NALCN: variants seen among roughly 807,000 people sequenced by gnomAD.
NALCN encodes sodium leak channel NALCN.
A neutral mutation model predicts 225.3 loss-of-function variants in NALCN; 111 were observed. The ratio of observed to expected loss-of-function variants is 0.49; its 90% CI spans 0.42 to 0.58. NALCN has a LOEUF of 0.58. Ranked by LOEUF, NALCN falls within the 20% of genes least tolerant of loss-of-function variation. The pLI is 0.00. For synonymous variants in NALCN, 764 were observed against 769.0 expected (o/e 0.99, Z 0.11); for missense variants, 1,378 against 2,202.4 (o/e 0.63, Z 7.49).
intron 13 of NALCN, among the ~76,000 whole-genome samples, chr13:101,196,128 T>A (rs2039880107): frequency 6.6e-6 from 1 of 152,194 alleles, no homozygotes; most frequent in South Asian, 2.1e-4. Context: ...TTGCTCAGAA[T>A]CTGGGCCAAT....
At chr13:101,282,029 A>G (rs924463897) in intron 10 of NALCN, among the ~76,000 whole-genome samples, 6 of 152,230 alleles carry the variant, frequency 3.9e-5, no homozygotes, top group African/African-American at 1.2e-4. Context: ...AGGCATAAAG[A>G]AAAGATAACC....
chr13:101,278,571 G>T (rs997386063), intron 10 of NALCN, among the ~76,000 whole-genome samples: 11 of 146,258 alleles, frequency 7.5e-5, no homozygotes, highest in African/African-American at 2.5e-4. Context: ...TCTTTTCAAT[G>T]ATGCTATTCC....
chr13:101,158,774 G>A (rs1280018948), intron 15 of NALCN, among the ~76,000 whole-genome samples: 1 of 152,142 alleles, frequency 6.6e-6, no homozygotes, highest in Non-Finnish European at 1.5e-5. Flanking sequence ...ACTCCTACAA[G>A]TGATTCTCTG....
At chr13:101,221,143 G>A (rs1018882077) in intron 13 of NALCN, among the ~76,000 whole-genome samples, 6 of 142,722 alleles carry the variant, frequency 4.2e-5, no homozygotes, top group African/African-American at 1.5e-4. Context: ...ATACTTGAAG[G>A]TCCTTTTGAA....
At chr13:101,379,770 A>AGGT (rs2139430399) in intron 3 of NALCN, among the ~76,000 whole-genome samples, 1 of 152,256 alleles carries the variant, frequency 6.6e-6, no homozygotes, top group Admixed American at 6.5e-5. Flanking sequence ...CGTAGATGAC[A>AGGT]GGTTGATGGT....
chr13:101,210,232 G>A (rs1566435077), intron 13 of NALCN, among the ~76,000 whole-genome samples: 2 of 152,034 alleles, frequency 1.3e-5, no homozygotes, highest in African/African-American at 4.8e-5. Context: ...GCTCACACAC[G>A]TACACACATT....
At chr13:101,056,988 T>A (rs2031344456) in intron 43 of NALCN, 1 of 152,152 alleles carries the variant, frequency 6.6e-6, no homozygotes, top group Admixed American at 6.6e-5. Context: ...AAAAATAAGT[T>A]CCTGGATATG....
intron 10 of NALCN, among the ~76,000 whole-genome samples, chr13:101,278,796 A>G (rs1043683600): frequency 2.6e-4 from 39 of 152,302 alleles, no homozygotes; most frequent in African/African-American, 9.4e-4. Context: ...CTCCAAGTGT[A>G]CTGCTTGCTT....
chr13:101,259,478 C>T (rs1008775722), intron 10 of NALCN, among the ~76,000 whole-genome samples: 10 of 151,520 alleles, frequency 6.6e-5, no homozygotes, highest in South Asian at 2.1e-4. Flanking sequence ...GGACTACAGG[C>T]GCCCGCCACC....
At chr13:101,163,896 C>T (rs1027367086) in intron 15 of NALCN, among the ~76,000 whole-genome samples, 1 of 152,176 alleles carries the variant, frequency 6.6e-6, no homozygotes, top group Admixed American at 6.6e-5. Flanking sequence ...GGGGGGTCTA[C>T]TCCATGGGAC....
chr13:101,403,215 T>A (rs896865674), intron 1 of NALCN, among the ~76,000 whole-genome samples: 3 of 152,226 alleles, frequency 2.0e-5, no homozygotes, highest in African/African-American at 4.8e-5. Flanking sequence ...CACTGCGGTA[T>A]GTGCTGGGTA....
At chr13:101,205,403 G>C (rs1160885540) in intron 13 of NALCN, among the ~76,000 whole-genome samples, 2 of 151,728 alleles carry the variant, frequency 1.3e-5, no homozygotes, top group Non-Finnish European at 2.9e-5. Flanking sequence ...TCAGTAATTT[G>C]AGACTTAAAG....
At chr13:101,271,697 C>T (rs972407308) in intron 10 of NALCN, among the ~76,000 whole-genome samples, 1 of 150,818 alleles carries the variant, frequency 6.6e-6, no homozygotes, top group Non-Finnish European at 1.5e-5. Flanking sequence ...TGTGTGTGTG[C>T]ATGTGTGCAT....
At chr13:101,387,488 A>G (rs980641852) in intron 3 of NALCN, among the ~76,000 whole-genome samples, 6 of 152,222 alleles carry the variant, frequency 3.9e-5, no homozygotes, top group Non-Finnish European at 7.3e-5. Context: ...AAAATAGAAC[A>G]TGTATATTCA....
intron 34 of NALCN, among the ~76,000 whole-genome samples, chr13:101,077,568 T>A (rs926738264): frequency 1.3e-5 from 2 of 152,204 alleles, no homozygotes; most frequent in African/African-American, 2.4e-5. Flanking sequence ...ATTTTGCCCC[T>A]GCCCTAGAGA....
chr13:101,377,793 T>A (rs56815694), intron 4 of NALCN, among the ~76,000 whole-genome samples: 32,637 of 152,050 alleles, frequency 0.21, 3,643 homozygotes, highest in Non-Finnish European at 0.24. Flanking sequence ...AAACAGTAGA[T>A]TTCATGTTAG....
intron 17 of NALCN, among the ~76,000 whole-genome samples, chr13:101,142,305 C>T (rs555729777): frequency 5.3e-5 from 8 of 151,982 alleles, no homozygotes; most frequent in African/African-American, 1.9e-4. Flanking sequence ...CCACGCCCAG[C>T]TGACTTTTGT....
intron 7 of NALCN, among the ~76,000 whole-genome samples, chr13:101,341,378 G>A (rs2045555076): frequency 6.6e-6 from 1 of 152,152 alleles, no homozygotes; most frequent in Non-Finnish European, 1.5e-5. Context: ...TTGACATGAA[G>A]TTTCAGGCCT....
At chr13:101,322,393 G>A (rs562563324) in intron 7 of NALCN, among the ~76,000 whole-genome samples, 1 of 152,310 alleles carries the variant, frequency 6.6e-6, no homozygotes, top group African/African-American at 2.4e-5. Context: ...GCTAAGCAGT[G>A]TATAACTTAA....
Sources: gnomAD v4.1 joint callset for allele counts (sites outside exome capture counted in the v4.1 genomes callset) on GRCh38, gnomAD v4.1.1 for gene constraint, MANE v1.5 for transcripts, NCBI Gene and HGNC (gene_info 2026-07-23, HGNC 2026-07-21) for gene names.